The following SUPT3H variants were observed in gnomAD, a reference collection of about 807,000 sequenced individuals.
SUPT3H encodes the protein SPT3 homolog, SAGA and STAGA complex component, also known as transcription initiation protein SPT3 homolog.
Under a neutral mutation model 44.3 loss-of-function variants are expected in SUPT3H, and 44 were observed. The observed-to-expected ratio is 0.99, with a 90% confidence interval of 0.78 to 1.28. The LOEUF is 1.28. Ranked by LOEUF, SUPT3H falls within the 50% of genes most tolerant of loss-of-function variation. The pLI is 0.00. For missense variants in SUPT3H, 380 were observed against 387.1 expected (o/e 0.98, Z 0.15); for synonymous variants, 124 against 125.6 (o/e 0.99, Z 0.09).
chr6:44,896,269 A>G (rs1197791272), intron 10 of SUPT3H, among the ~76,000 whole-genome samples: 1 of 152,170 alleles, frequency 6.6e-6, no homozygotes, highest in African/African-American at 2.4e-5. Context: ...AAACTTAAGT[A>G]ACTGTCATGA....
chr6:45,269,044 G>A (rs9296455), intron 2 of SUPT3H, among the ~76,000 whole-genome samples: 88,050 of 151,904 alleles, frequency 0.58, 26,346 homozygotes, highest in African/African-American at 0.74. Flanking sequence ...CACCTAGAAA[G>A]CCAAATAAGT....
At chr6:45,162,220 TAAA>T (rs1583931186) in intron 2 of SUPT3H, among the ~76,000 whole-genome samples, 1 of 151,574 alleles carries the variant, frequency 6.6e-6, no homozygotes, top group African/African-American at 2.4e-5. Flanking sequence ...TGAGACTCAT[TAAA>T]AAAAGAAGAA....
intron 9 of SUPT3H, among the ~76,000 whole-genome samples, chr6:44,949,684 A>G (rs912501543): frequency 3.3e-5 from 5 of 152,140 alleles, no homozygotes; most frequent in African/African-American, 7.2e-5. Context: ...GCCAATCAAT[A>G]CATTAAAAAG....
intron 3 of SUPT3H, among the ~76,000 whole-genome samples, chr6:45,061,833 T>C (rs189572207): frequency 4.7e-4 from 72 of 151,752 alleles, no homozygotes; most frequent in Non-Finnish European, 9.0e-4. Flanking sequence ...TTCTGAGCTG[T>C]AAATTCAGAG....
rs1491206167 is a variant in SUPT3H, at chr6:44,928,882, C to CAAAATAAA, written c.912+3770_912+3771insTTTATTTT. On this transcript the variant is annotated intron_variant, in intron 10 of 10. Coordinates refer to ENST00000371459, the MANE Select transcript of SUPT3H (RefSeq NM_003599.4). The stretch of plus-strand genomic sequence containing the variant: ...TGGGCGACAGAACGAGACTCCGTCT[C>CAAAATAAA]AAAAAAAAAAAAAAAAAAAAAAGAA... 4.4e-4 allele frequency among the ~76,000 whole-genome samples: 9 copies of CAAAATAAA among 20,644 alleles called. 1 individual carries two copies. Among genetic ancestry groups the CAAAATAAA allele is most frequent in the Admixed American group, 6.3e-4 (1 of 1,586 alleles). 13.5% of individuals were successfully genotyped at this position (20,644 alleles called of 152,430 possible).
intron 2 of SUPT3H, among the ~76,000 whole-genome samples, chr6:45,341,146 T>TTATCC (rs1441260793): frequency 1.3e-5 from 2 of 152,184 alleles, no homozygotes; most frequent in Non-Finnish European, 2.9e-5. Context: ...TTAACCACAA[T>TTATCC]TATCCACATT....
intron 2 of SUPT3H, among the ~76,000 whole-genome samples, chr6:45,232,346 T>C (rs1768214741): frequency 6.6e-6 from 1 of 152,244 alleles, no homozygotes; most frequent in Non-Finnish European, 1.5e-5. Context: ...GTGCTTTCCC[T>C]GGTGGCTTAG....
chr6:45,112,752 A>T (rs943516644), intron 2 of SUPT3H, among the ~76,000 whole-genome samples: 1 of 152,160 alleles, frequency 6.6e-6, no homozygotes, highest in Non-Finnish European at 1.5e-5. Flanking sequence ...CCAGTCACCA[A>T]GCATACAAGG....
At chr6:45,134,701 T>C (rs191871290) in intron 2 of SUPT3H, among the ~76,000 whole-genome samples, 48 of 152,310 alleles carry the variant, frequency 3.2e-4, no homozygotes, top group Non-Finnish European at 1.8e-4. Flanking sequence ...TAGTCTCACA[T>C]AGGTCTAAAA....
intron 2 of SUPT3H, among the ~76,000 whole-genome samples, chr6:45,226,535 C>G (rs1490802497): frequency 6.6e-6 from 1 of 151,956 alleles, no homozygotes; most frequent in Admixed American, 6.6e-5. Flanking sequence ...AGACCCCCAT[C>G]TCTACAAAAA....
intron 2 of SUPT3H, among the ~76,000 whole-genome samples, chr6:45,236,163 T>C (rs1474829199): frequency 2.0e-5 from 3 of 152,170 alleles, no homozygotes; most frequent in African/African-American, 4.8e-5. Context: ...CCACACGCTA[T>C]ATTTGTGCAT....
chr6:45,289,317 A>T (rs922198687), intron 2 of SUPT3H, among the ~76,000 whole-genome samples: 2 of 152,120 alleles, frequency 1.3e-5, no homozygotes, highest in Non-Finnish European at 2.9e-5. Flanking sequence ...CCAAAATAAG[A>T]TATTAATAAA....
chr6:45,107,816 G>T (rs566044955), intron 2 of SUPT3H, among the ~76,000 whole-genome samples: 200 of 152,250 alleles, frequency 1.3e-3, no homozygotes, highest in African/African-American at 4.6e-3. Flanking sequence ...ACAAACTGCA[G>T]AATCAGACCT....
chr6:45,213,957 T>A (rs10456544), intron 2 of SUPT3H, among the ~76,000 whole-genome samples: 4,935 of 134,658 alleles, frequency 0.037, 120 homozygotes, highest in Non-Finnish European at 0.054. Context: ...TTAAATGTAA[T>A]CAGCCATGTC....
chr6:45,325,791 T>A (rs1786249442), intron 2 of SUPT3H, among the ~76,000 whole-genome samples: 1 of 151,940 alleles, frequency 6.6e-6, no homozygotes, highest in Non-Finnish European at 1.5e-5. Flanking sequence ...TGAAACACAC[T>A]GTTATCAAAT....
At chr6:45,070,598 G>A (rs150311678) in intron 3 of SUPT3H, among the ~76,000 whole-genome samples, 20 of 152,010 alleles carry the variant, frequency 1.3e-4, no homozygotes, top group East Asian at 3.9e-4. Flanking sequence ...AAAATTGGCC[G>A]GGCATGGCAG....
chr6:45,365,166 A>G (rs754093061), intron 2 of SUPT3H, 35 bp downstream of exon 2: 1 of 1,249,948 alleles, frequency 8.0e-7, no homozygotes, highest in South Asian at 1.5e-5. Flanking sequence ...TAAATTTAAA[A>G]TAGTAATAGC....
chr6:45,219,111 G>A (rs553165243), intron 2 of SUPT3H, among the ~76,000 whole-genome samples: 1 of 151,318 alleles, frequency 6.6e-6, no homozygotes, highest in Admixed American at 6.6e-5. Flanking sequence ...AAATCAAGAG[G>A]AAAAAGAAAC....
chr6:45,336,106 C>T (rs547318372), intron 2 of SUPT3H, among the ~76,000 whole-genome samples: 20 of 151,404 alleles, frequency 1.3e-4, no homozygotes, highest in Admixed American at 9.9e-4. Flanking sequence ...AGTGTCCACC[C>T]AGAATTCTTC....
Sources: gnomAD v4.1 joint callset for allele counts (sites outside exome capture counted in the v4.1 genomes callset) on GRCh38, gnomAD v4.1.1 for gene constraint, MANE v1.5 for transcripts, NCBI Gene and HGNC (gene_info 2026-07-23, HGNC 2026-07-21) for gene names.